The following ASCC3 variants were observed in gnomAD, a reference collection of about 807,000 sequenced individuals.
ASCC3 encodes the protein ASC-1 complex subunit P200.
Under a neutral mutation model 256.3 loss-of-function variants are expected in ASCC3, and 158 were observed. That is an observed-to-expected ratio of 0.62 (90% confidence interval 0.54 to 0.70). The LOEUF is 0.70. Ranked by LOEUF, ASCC3 falls within the 30% of genes least tolerant of loss-of-function variation. The pLI is 0.00. For missense variants in ASCC3, 2,259 were observed against 2,626.0 expected, an observed-to-expected ratio of 0.86 and a Z score of 3.05; for synonymous variants, 948 against 883.4, an observed-to-expected ratio of 1.07 and a Z score of -1.30.
chr6:100,650,352 C>A (rs1775600107), intron 20 of ASCC3, among the ~76,000 whole-genome samples, 186 bp downstream of exon 20: 1 of 151,676 alleles, frequency 6.6e-6, no homozygotes, highest in Admixed American at 6.6e-5. Flanking sequence ...CAAATCTCAT[C>A]CCCAGTCCTG....
chr6:100,580,870 A>C (rs934705769), intron 36 of ASCC3, among the ~76,000 whole-genome samples: 3 of 151,870 alleles, frequency 2.0e-5, no homozygotes, highest in African/African-American at 4.8e-5. Context: ...ACTGAGAATG[A>C]TGATTTCCAA....
intron 33 of ASCC3, among the ~76,000 whole-genome samples, chr6:100,603,847 T>C (rs1772748872): frequency 6.6e-6 from 1 of 152,132 alleles, no homozygotes; most frequent in South Asian, 2.1e-4. Flanking sequence ...TATTGTTTGT[T>C]TAGAATTTCT....
intron 8 of ASCC3, among the ~76,000 whole-genome samples, chr6:100,791,445 T>C (rs1254081028): frequency 1.3e-5 from 2 of 151,950 alleles, no homozygotes; most frequent in Non-Finnish European, 2.9e-5. Context: ...CACACAAAAG[T>C]TGCAACATGA....
At chr6:100,638,906 T>A in intron 24 of ASCC3, 85 bp from the exon 25 acceptor site, 1 of 1,125,376 alleles carries the variant, frequency 8.9e-7, no homozygotes, top group Non-Finnish European at 1.3e-6. Context: ...TAGATTATAG[T>A]AATCCTTAGT....
At chr6:100,566,444 C>A (rs1260728656) in intron 36 of ASCC3, among the ~76,000 whole-genome samples, 1 of 152,126 alleles carries the variant, frequency 6.6e-6, no homozygotes, top group African/African-American at 2.4e-5. Context: ...ACGGCTTTTA[C>A]CTACATTCAC....
At chr6:100,868,166 A>G in intron 1 of ASCC3, 128 bp from the exon 2 acceptor site, 1 of 620,020 alleles carries the variant, frequency 1.6e-6, no homozygotes, top group Non-Finnish European at 2.9e-6. Flanking sequence ...TCAACGTTGA[A>G]AAATTCTCCT....
chr6:100,843,757 A>T (rs1772259469), intron 4 of ASCC3, among the ~76,000 whole-genome samples: 2 of 152,244 alleles, frequency 1.3e-5, no homozygotes, highest in Middle Eastern at 3.4e-3. Context: ...GCAGGAAAAA[A>T]ATAAAAATAA....
chr6:100,704,346 C>T lies in ASCC3; in HGVS notation c.2151+11116G>A, dbSNP rs528465170. ...GGGAAGCGGAGTAAAGAAAGAAGCACTCAAATAATTCACAAATAAAAGTCA... is the reference window on the plus strand; with the variant it reads ...GGGAAGCGGAGTAAAGAAAGAAGCATTCAAATAATTCACAAATAAAAGTCA... On this transcript the variant is annotated intron_variant, in intron 13 of 41. Transcript: ENST00000369162. Among the ~76,000 whole-genome samples, 65 of 151,982 alleles carry T rather than the reference C, an allele frequency of 4.3e-4. No homozygotes were observed. The South Asian group carries it at 0.013, about 31-fold the overall frequency.
chr6:100,535,464 G>A lies in ASCC3; in HGVS notation c.5775+4699C>T, dbSNP rs193098568. On this transcript the variant is annotated intron_variant, in intron 37 of 41. Transcript: ENST00000369162. ...GATTTAGAATATGAAGCTGGTTTTC[G>A]TGTTTTTTTTTTTTTTTTTTTTTGA... Among the ~76,000 whole-genome samples the A allele has an allele frequency of 2.7e-3, 310 of 115,662 alleles. 2 individuals are homozygous for A. The highest frequency in any genetic ancestry group is 0.02 in the Admixed American group (225 of 11,190). The allele number at this position is 115,662 out of a possible 152,430, so 75.9% of individuals were successfully genotyped here. A position where few individuals can be genotyped will look rare whatever the true frequency, so the allele number is the denominator to read the frequency against.
chr6:100,519,320 C>A (rs977959545), intron 37 of ASCC3, among the ~76,000 whole-genome samples: 1 of 152,086 alleles, frequency 6.6e-6, no homozygotes, highest in African/African-American at 2.4e-5. Context: ...CATCCATTAA[C>A]CTGCTAGATA....
At chr6:100,667,647 G>C (rs1776549825) in intron 14 of ASCC3, among the ~76,000 whole-genome samples, 1 of 152,016 alleles carries the variant, frequency 6.6e-6, no homozygotes, top group Non-Finnish European at 1.5e-5. Flanking sequence ...AAAGGGGGAT[G>C]AACATGACAT....
At chr6:100,840,563 T>C (rs571759942) in intron 4 of ASCC3, among the ~76,000 whole-genome samples, 1 of 148,688 alleles carries the variant, frequency 6.7e-6, no homozygotes, top group Admixed American at 6.8e-5. Flanking sequence ...TTTATTGCAA[T>C]GTTATTTATA....
intron 4 of ASCC3, among the ~76,000 whole-genome samples, chr6:100,829,419 C>T (rs1160100464): frequency 1.3e-5 from 2 of 152,134 alleles, no homozygotes; most frequent in Admixed American, 6.5e-5. Flanking sequence ...AGCACAACAG[C>T]TGCTGGCCCA....
At chr6:100,664,532 A>G (rs1776378082) in intron 14 of ASCC3, among the ~76,000 whole-genome samples, 1 of 152,114 alleles carries the variant, frequency 6.6e-6, no homozygotes, top group African/African-American at 2.4e-5. Flanking sequence ...ATACATATAT[A>G]AACATAACAA....
chr6:100,725,474 C>T (rs1779576448), intron 11 of ASCC3, 65 bp downstream of exon 11: 6 of 1,527,174 alleles, frequency 3.9e-6, no homozygotes, highest in Admixed American at 3.4e-5. Flanking sequence ...AGTGAAAATG[C>T]TACATTTTAA....
intron 10 of ASCC3, among the ~76,000 whole-genome samples, chr6:100,735,229 T>C (rs1443991306): frequency 1.3e-5 from 2 of 152,146 alleles, no homozygotes; most frequent in Admixed American, 6.6e-5. Flanking sequence ...GACTCCAATA[T>C]CCATTTTCTT....
chr6:100,744,079 A>G (rs1289934754), intron 10 of ASCC3, among the ~76,000 whole-genome samples: 1 of 152,212 alleles, frequency 6.6e-6, no homozygotes, highest in Non-Finnish European at 1.5e-5. Context: ...AAAGGATTTT[A>G]CCCTGAATGT....
intron 14 of ASCC3, among the ~76,000 whole-genome samples, chr6:100,673,131 A>C (rs1169823774): frequency 6.6e-6 from 1 of 152,118 alleles, no homozygotes; most frequent in Admixed American, 6.6e-5. Flanking sequence ...CCTAGTTCCC[A>C]TATGGGCTGT....
intron 4 of ASCC3, among the ~76,000 whole-genome samples, chr6:100,816,354 T>C (rs749621322): frequency 6.6e-6 from 1 of 152,070 alleles, no homozygotes; most frequent in Non-Finnish European, 1.5e-5. Flanking sequence ...AGTGTGGCAA[T>C]TCCTTAAAGA....
Sources: gnomAD v4.1 joint callset for allele counts (sites outside exome capture counted in the v4.1 genomes callset) on GRCh38, gnomAD v4.1.1 for gene constraint, MANE v1.5 for transcripts, NCBI Gene and HGNC (gene_info 2026-07-23, HGNC 2026-07-21) for gene names.